Variants in TVP23C observed in about 807,000 individuals in gnomAD.
The protein encoded by TVP23C is trans-golgi network vesicle protein 23 homolog C.
In TVP23C, 19 loss-of-function variants were observed where a neutral mutation model predicts 28.7. That is an observed-to-expected ratio of 0.66 (90% confidence interval 0.46 to 0.97). TVP23C has a LOEUF of 0.97. Among genes scored for constraint, TVP23C ranks in the 50% least tolerant of loss-of-function variants. The pLI, the probability that TVP23C is intolerant of heterozygous loss-of-function variation, is 0.00. For missense variants in TVP23C, 186 were observed against 241.3 expected, an observed-to-expected ratio of 0.77 and a Z score of 1.52; for synonymous variants, 68 against 81.7, an observed-to-expected ratio of 0.83 and a Z score of 0.90.
At chr17:15,507,936 A>G (rs1328860791) in intron 5 of TVP23C, among the ~76,000 whole-genome samples, 1 of 152,010 alleles carries the variant, frequency 6.6e-6, no homozygotes, top group African/African-American at 2.4e-5. Context: ...AAATAGTACC[A>G]CTCCTTTCGA....
Position 15,539,125 on chromosome 17 carries a change from C to A in TVP23C, c.*1287G>T, listed in dbSNP as rs1983290040. ...CAGTGCCCTCAGTACCACCCAGAAACTTGGGAGAAATGCAAATTATGAGAC... is the reference window on the plus strand; with the variant it reads ...CAGTGCCCTCAGTACCACCCAGAAAATTGGGAGAAATGCAAATTATGAGAC... On this transcript the variant is annotated 3_prime_UTR_variant, in exon 6 of 6. Transcript: ENST00000518321. 2.1e-6 allele frequency: 2 copies of A among 967,140 alleles called. No homozygotes were observed. The allele number at this position is 967,140 out of a possible 1,614,324, so 59.9% of individuals were successfully genotyped here.
At chr17:15,555,255 C>G (rs372038090) in intron 2 of TVP23C, 27 bp downstream of exon 2, 2 of 1,613,900 alleles carry the variant, frequency 1.2e-6, no homozygotes, top group South Asian at 2.2e-5. Context: ...TGGACACTAA[C>G]ACAGCTCATG....
At chr17:15,551,716 G>A (rs1983900552) in intron 3 of TVP23C, among the ~76,000 whole-genome samples, 1 of 151,818 alleles carries the variant, frequency 6.6e-6, no homozygotes, top group Non-Finnish European at 1.5e-5. Flanking sequence ...TAATGTTAGT[G>A]TATTTTATGT....
chr17:15,526,951 GGTC>G lies in TVP23C; in HGVS notation c.462+18831_462+18833del, dbSNP rs543217061. Among the ~76,000 whole-genome samples, 20 of 152,282 alleles carry G rather than the reference GGTC, an allele frequency of 1.3e-4. No homozygotes were observed. In the South Asian group the frequency reaches 3.9e-3, roughly 30 times the overall value. The stretch of plus-strand genomic sequence containing the variant: ...TCTCTGTTAAATAAAATTTATAGGA[GGTC>G]ATTGGTTTGAAGTAAGTTCCTGCAC... On this transcript the variant is annotated intron_variant, in intron 5 of 5. Transcript: ENST00000225576.
chr17:15,514,541 TGAAA>T (rs1039601178), intron 5 of TVP23C, among the ~76,000 whole-genome samples: 8 of 151,690 alleles, frequency 5.3e-5, no homozygotes, highest in African/African-American at 1.9e-4. Flanking sequence ...ACAAACAGCA[TGAAA>T]GAAAGGAAAA....
intron 5 of TVP23C, among the ~76,000 whole-genome samples, chr17:15,530,244 T>A (rs1468808852): frequency 1.3e-5 from 2 of 152,240 alleles, no homozygotes; most frequent in Non-Finnish European, 2.9e-5. Context: ...CTGCCTTTTG[T>A]ATTAAATAGG....
Position 15,538,118 on chromosome 17 carries a change from T to C in TVP23C, c.*2294A>G, listed in dbSNP as rs752811054. 3.7e-6 allele frequency: 6 copies of C among 1,613,826 alleles called. No homozygotes were observed. The highest frequency in any genetic ancestry group is 1.7e-5 in the Admixed American group (1 of 59,980). On this transcript the variant is annotated 3_prime_UTR_variant, in exon 6 of 6. Transcript: ENST00000518321. ...CCCCAATGTAACAAAGCACATAAGC[T>C]TTCTCTATTCAGGAAGTCTGATCAT...
intron 5 of TVP23C, among the ~76,000 whole-genome samples, chr17:15,529,295 T>C (rs1366343591): frequency 2.0e-5 from 3 of 151,922 alleles, no homozygotes; most frequent in African/African-American, 7.3e-5. Flanking sequence ...CTACTAAAAA[T>C]ACAAAAATTA....
intron 5 of TVP23C, among the ~76,000 whole-genome samples, chr17:15,518,255 G>A (rs1000557553): frequency 2.7e-5 from 4 of 150,762 alleles, no homozygotes; most frequent in African/African-American, 9.8e-5. Context: ...AGCCAATACA[G>A]CATCAAGATC....
chr17:15,517,596 T>C (rs1982284515), intron 5 of TVP23C, among the ~76,000 whole-genome samples: 1 of 152,218 alleles, frequency 6.6e-6, no homozygotes, highest in Non-Finnish European at 1.5e-5. Flanking sequence ...GAGTAGCACA[T>C]GGTGCACAGT....
intron 5 of TVP23C, among the ~76,000 whole-genome samples, chr17:15,530,062 G>T (rs111438349): frequency 6.6e-6 from 1 of 152,140 alleles, no homozygotes; most frequent in Admixed American, 6.5e-5. Context: ...ACCTCCCAAA[G>T]TGCTGGGATT....
At chr17:15,543,037 G>C (rs1479432997) in intron 5 of TVP23C, among the ~76,000 whole-genome samples, 1 of 152,062 alleles carries the variant, frequency 6.6e-6, no homozygotes, top group East Asian at 1.9e-4. Flanking sequence ...AAAGCTCTAA[G>C]GTCTTACAAA....
At chr17:15,553,603 A>G (rs1009853125) in intron 3 of TVP23C, 82 bp downstream of exon 3, 1 of 1,515,970 alleles carries the variant, frequency 6.6e-7, no homozygotes, top group African/African-American at 1.4e-5. Flanking sequence ...CAAAAGATTA[A>G]CAATAATGCA....
intron 1 of TVP23C, among the ~76,000 whole-genome samples, chr17:15,560,353 G>A (rs1183726195): frequency 1.4e-5 from 2 of 148,032 alleles, no homozygotes; most frequent in Non-Finnish European, 3.0e-5. Flanking sequence ...CATGAGCCCT[G>A]CGCCCAGCCA....
At chr17:15,548,826 C>G (rs1448492046) in intron 3 of TVP23C, among the ~76,000 whole-genome samples, 1 of 152,130 alleles carries the variant, frequency 6.6e-6, no homozygotes, top group Non-Finnish European at 1.5e-5. Flanking sequence ...AAGTACATAC[C>G]TATGATAATG....
chr17:15,507,348 C>CAT, intron 5 of TVP23C: 1 of 741,976 alleles, frequency 1.3e-6, no homozygotes, highest in South Asian at 1.4e-5. Context: ...CTGGACAACT[C>CAT]TAATAAGTTT....
intron 5 of TVP23C, among the ~76,000 whole-genome samples, chr17:15,518,167 CAAAAAAAAAAAA>C (rs895582466): frequency 7.4e-5 from 4 of 54,300 alleles, no homozygotes; most frequent in African/African-American, 2.3e-4. Flanking sequence ...GACTCCATCT[CAAAAAAAAAAAA>C]AAAAAAAAAA....
chr17:15,561,414 T>C (rs1984380641), intron 1 of TVP23C, among the ~76,000 whole-genome samples: 1 of 152,002 alleles, frequency 6.6e-6, no homozygotes, highest in Non-Finnish European at 1.5e-5. Context: ...GCCTGGTTAA[T>C]ATGGTGAAAC....
At chr17:15,553,119 T>C (rs1330342747) in intron 3 of TVP23C, among the ~76,000 whole-genome samples, 1 of 143,766 alleles carries the variant, frequency 7.0e-6, no homozygotes, top group Non-Finnish European at 1.5e-5. Flanking sequence ...ACCTGCCCTC[T>C]AGCCACTAGA....
Sources: allele counts gnomAD v4.1 joint callset (sites outside exome capture counted in the v4.1 genomes callset), GRCh38; gene constraint gnomAD v4.1.1; transcripts MANE v1.5; gene names NCBI Gene and HGNC (gene_info 2026-07-23, HGNC 2026-07-21).